The following PPFIA2 variants were observed in gnomAD, a reference collection of about 807,000 sequenced individuals.
PPFIA2 encodes the protein liprin-alpha-2.
PPFIA2 carries 46 observed loss-of-function variants against 175.5 expected under a neutral mutation model. The ratio of observed to expected loss-of-function variants is 0.26; its 90% CI spans 0.21 to 0.34. The LOEUF (loss-of-function observed/expected upper bound fraction) is 0.34, where lower values mean the gene tolerates loss of function less well. Among genes scored for constraint, PPFIA2 ranks in the 10% least tolerant of loss-of-function variants. The pLI, the probability that PPFIA2 is intolerant of heterozygous loss-of-function variation, is 1.00. For missense variants in PPFIA2, 1,179 were observed against 1,506.1 expected (o/e 0.78, Z 3.60); for synonymous variants, 568 against 511.4 (o/e 1.11, Z -1.49).
rs139226522 is a variant in PPFIA2, at chr12:81,742,974, T to A, written c.249+10999A>T. Among the ~76,000 whole-genome samples, 100 of 152,294 alleles carry A rather than the reference T, an allele frequency of 6.6e-4. No homozygotes were observed. In the East Asian group the frequency reaches 0.018, roughly 27 times the overall value. On this transcript the variant is annotated intron_variant, in intron 3 of 32. Transcript: ENST00000549396. ...TTAGCAATGTGGGAGATATTGCTAA[T>A]CTTCACAGAGCAGTTTAGATGAAGT...
At chr12:81,560,271 TGTGA>T (rs980347541) in intron 4 of PPFIA2, among the ~76,000 whole-genome samples, 221 of 151,326 alleles carry the variant, frequency 1.5e-3, no homozygotes, top group African/African-American at 4.9e-3. Flanking sequence ...TATGTGTGTG[TGTGA>T]GAGAGAGAGA....
intron 4 of PPFIA2, among the ~76,000 whole-genome samples, chr12:81,578,762 T>C (rs922057430): frequency 2.6e-5 from 4 of 151,830 alleles, no homozygotes; most frequent in Non-Finnish European, 5.9e-5. Flanking sequence ...GTAGCATATC[T>C]GTCCATCTGA....
chr12:81,602,267 T>C (rs2059875487), intron 4 of PPFIA2, among the ~76,000 whole-genome samples: 1 of 151,840 alleles, frequency 6.6e-6, no homozygotes, highest in Admixed American at 6.6e-5. Flanking sequence ...ATATTATGTC[T>C]GGATAACACA....
At chr12:81,371,666 T>C (rs553886290) in intron 11 of PPFIA2, among the ~76,000 whole-genome samples, 8 of 151,922 alleles carry the variant, frequency 5.3e-5, no homozygotes, top group African/African-American at 1.7e-4. Context: ...ATACATTTTA[T>C]TGGTACTAGA....
chr12:81,467,406 T>C (rs531878774), intron 4 of PPFIA2, among the ~76,000 whole-genome samples: 153 of 152,272 alleles, frequency 1.0e-3, no homozygotes, highest in Admixed American at 4.6e-4. Flanking sequence ...AACATGTCTC[T>C]GGCCAGGCGT....
At chr12:81,333,224 C>A (rs1284346403) in intron 21 of PPFIA2, among the ~76,000 whole-genome samples, 1 of 152,176 alleles carries the variant, frequency 6.6e-6, no homozygotes, top group Admixed American at 6.5e-5. Flanking sequence ...ACTGTTCTTT[C>A]TTACATCGAG....
At chr12:81,305,730 G>T (rs1160261967) in intron 22 of PPFIA2, among the ~76,000 whole-genome samples, 2 of 152,080 alleles carry the variant, frequency 1.3e-5, no homozygotes, top group East Asian at 3.9e-4. Context: ...TCTCCTGCAG[G>T]CATGAGCCAT....
At chr12:81,284,201 G>A (rs1331950162) in intron 25 of PPFIA2, 40 bp downstream of exon 25, 1 of 1,465,354 alleles carries the variant, frequency 6.8e-7, no homozygotes, top group Admixed American at 1.8e-5. Flanking sequence ...GAGCAGCAAA[G>A]TCACTTTCCT....
intron 20 of PPFIA2, among the ~76,000 whole-genome samples, chr12:81,340,341 C>T (rs2057833869): frequency 6.6e-6 from 1 of 151,944 alleles, no homozygotes; most frequent in African/African-American, 2.4e-5. Context: ...TTGAAGCATT[C>T]ATCCTTAAGT....
At chr12:81,689,691 T>C (rs1407110398) in intron 3 of PPFIA2, among the ~76,000 whole-genome samples, 1 of 152,056 alleles carries the variant, frequency 6.6e-6, no homozygotes, top group Non-Finnish European at 1.5e-5. Context: ...AAAATAAAGC[T>C]TTAAAGTTTA....
At chr12:81,267,316 AAT>A (rs2037570028) in intron 29 of PPFIA2, 2 of 433,660 alleles carry the variant, frequency 4.6e-6, no homozygotes, top group South Asian at 1.8e-5. Flanking sequence ...TAATCTCTGA[AAT>A]ATGTAAAAAC....
At chr12:81,591,594 G>A (rs2058678774) in intron 4 of PPFIA2, among the ~76,000 whole-genome samples, 1 of 152,088 alleles carries the variant, frequency 6.6e-6, no homozygotes, top group African/African-American at 2.4e-5. Context: ...CTAGGGACTT[G>A]GTGCCCTACG....
intron 3 of PPFIA2, among the ~76,000 whole-genome samples, chr12:81,709,625 A>G (rs191477730): frequency 4.2e-4 from 64 of 152,194 alleles, no homozygotes; most frequent in African/African-American, 1.5e-3. Flanking sequence ...TTTTTCTATT[A>G]AAAATATATT....
chr12:81,752,418 C>T (rs1216783464), intron 3 of PPFIA2, among the ~76,000 whole-genome samples: 2 of 152,046 alleles, frequency 1.3e-5, no homozygotes, highest in Non-Finnish European at 2.9e-5. Context: ...AAAATATTTT[C>T]CTTAAAAAAT....
At chr12:81,587,083 T>A (rs1174852219) in intron 4 of PPFIA2, among the ~76,000 whole-genome samples, 2 of 152,096 alleles carry the variant, frequency 1.3e-5, no homozygotes, top group South Asian at 4.1e-4. Context: ...ATAGTCACAC[T>A]CTAGCAAACT....
intron 5 of PPFIA2, among the ~76,000 whole-genome samples, chr12:81,449,366 C>T (rs987975157): frequency 1.3e-5 from 2 of 152,000 alleles, no homozygotes; most frequent in South Asian, 4.1e-4. Flanking sequence ...TTTTTCCTCA[C>T]TATAATAAAC....
intron 4 of PPFIA2, among the ~76,000 whole-genome samples, chr12:81,661,515 T>C (rs1401973274): frequency 6.6e-6 from 1 of 152,198 alleles, no homozygotes; most frequent in East Asian, 1.9e-4. Flanking sequence ...TAGATATATA[T>C]GCGCCCAATA....
chr12:81,680,547 G>C (rs1385937921), intron 3 of PPFIA2, among the ~76,000 whole-genome samples: 1 of 151,868 alleles, frequency 6.6e-6, no homozygotes, highest in Non-Finnish European at 1.5e-5. Flanking sequence ...CCACAGGCTG[G>C]TAAATCTTGA....
intron 7 of PPFIA2, among the ~76,000 whole-genome samples, chr12:81,409,025 C>A (rs1047250167): frequency 6.6e-6 from 1 of 152,106 alleles, no homozygotes; most frequent in African/African-American, 2.4e-5. Context: ...TTTCTTCAAT[C>A]TGTTTTAAAG....
Sources: gnomAD v4.1 joint callset for allele counts (sites outside exome capture counted in the v4.1 genomes callset) on GRCh38, gnomAD v4.1.1 for gene constraint, MANE v1.5 for transcripts, NCBI Gene and HGNC (gene_info 2026-07-23, HGNC 2026-07-21) for gene names.